SENP7: variants seen among roughly 807,000 people sequenced by gnomAD.
The protein encoded by SENP7 is sentrin-specific protease 7.
A neutral mutation model predicts 141.2 loss-of-function variants in SENP7; 64 were observed. The ratio of observed to expected loss-of-function variants is 0.45; its 90% CI spans 0.37 to 0.56. The LOEUF (loss-of-function observed/expected upper bound fraction) is 0.56, where lower values mean the gene tolerates loss of function less well. SENP7 is among the 20% of genes least tolerant of loss of function. SENP7 has a pLI of 0.00. For synonymous variants in SENP7, 382 were observed against 426.4 expected (o/e 0.90, Z 1.28); for missense variants, 1,025 against 1,212.2 (o/e 0.85, Z 2.29).
chr3:101,395,739 C>T (rs937103013), intron 6 of SENP7, among the ~76,000 whole-genome samples: 4 of 152,140 alleles, frequency 2.6e-5, no homozygotes, highest in African/African-American at 9.7e-5. Flanking sequence ...GCTAACAAAG[C>T]CATAACAATT....
chr3:101,416,875 A>G (rs56075912), intron 5 of SENP7, among the ~76,000 whole-genome samples: 103,559 of 152,028 alleles, frequency 0.68, 35,775 homozygotes, highest in African/African-American at 0.78. Context: ...GCTAATTGTA[A>G]GTTATTCTAA....
intron 6 of SENP7, among the ~76,000 whole-genome samples, chr3:101,380,438 C>A (rs959775534): frequency 1.0e-5 from 1 of 96,470 alleles, no homozygotes; most frequent in Admixed American, 1.3e-4. Context: ...AACCACCGCC[C>A]CCCCCCCCAC....
Position 101,448,889 on chromosome 3 carries a change from G to A in SENP7, c.284+10066C>T, listed in dbSNP as rs571613630. Among the ~76,000 whole-genome samples the A allele has an allele frequency of 3.3e-4, 50 of 152,158 alleles. No individual in the cohort carries two copies. In the South Asian group the frequency reaches 8.5e-3, roughly 26 times the overall value. On this transcript the variant is annotated intron_variant, in intron 4 of 23. Coordinates refer to ENST00000394095, the MANE Select transcript of SENP7 (RefSeq NM_020654.5). ...AAGCTGGACAGAGAATGACTTTGACGAGTTGAGAGAAGAAGGCTTCAGAAG... is the reference window on the plus strand; with the variant it reads ...AAGCTGGACAGAGAATGACTTTGACAAGTTGAGAGAAGAAGGCTTCAGAAG...
intron 1 of SENP7, among the ~76,000 whole-genome samples, chr3:101,508,689 T>C (rs1365004688): frequency 6.6e-6 from 1 of 152,216 alleles, no homozygotes; most frequent in Non-Finnish European, 1.5e-5. Flanking sequence ...TTTCATTCTA[T>C]ATACTGTCTT....
rs920266916 is a variant in SENP7, at chr3:101,367,975, T to A, written c.833A>T (p.Glu278Val). Reference sequence around the variant, plus strand: ...AACATCCTTGTTTCTGCTTTCCTGTTCGAGATGATCACAACCTCTACTTCC... The same window carrying A: ...AACATCCTTGTTTCTGCTTTCCTGTACGAGATGATCACAACCTCTACTTCC... Reference protein sequence around the residue: ...NSGSRGCDHLEQESRNKDVKY... With the variant: ...NSGSRGCDHLVQESRNKDVKY... Residue 278 changes from glutamate to valine, a missense_variant, in exon 8 of 24, where the codon GAA (glutamate) becomes GTA (valine). By Grantham distance (121) the Glu-to-Val change is moderately radical. Around this residue, in one of 4 missense-constraint regions of SENP7, gnomAD observed 496 missense variants for 503.5 expected, o/e 0.99. Coordinates refer to ENST00000394095, the MANE Select transcript of SENP7 (RefSeq NM_020654.5). The A allele has an allele frequency of 3.7e-6, 6 of 1,612,924 alleles. No homozygotes were observed. The highest frequency in any genetic ancestry group is 5.1e-6 in the Non-Finnish European group (6 of 1,179,512).
chr3:101,330,258 C>A, intron 20 of SENP7, 76 bp downstream of exon 20: 1 of 1,092,514 alleles, frequency 9.2e-7, no homozygotes, highest in Non-Finnish European at 1.4e-6. Flanking sequence ...GCCCACCTAG[C>A]TATGCTCTAT....
At chr3:101,499,187 A>G (rs1221267448) in intron 2 of SENP7, among the ~76,000 whole-genome samples, 1 of 152,224 alleles carries the variant, frequency 6.6e-6, no homozygotes, top group African/African-American at 2.4e-5. Context: ...TAAAAATCAG[A>G]GAAATGGATT....
At chr3:101,505,629 G>A (rs2065570269) in intron 1 of SENP7, among the ~76,000 whole-genome samples, 1 of 152,046 alleles carries the variant, frequency 6.6e-6, no homozygotes, top group Non-Finnish European at 1.5e-5. Flanking sequence ...CATATGATGT[G>A]CCTCGACTTG....
At chr3:101,409,629 C>T (rs2061398968) in intron 5 of SENP7, among the ~76,000 whole-genome samples, 1 of 152,046 alleles carries the variant, frequency 6.6e-6, no homozygotes, top group Non-Finnish European at 1.5e-5. Flanking sequence ...GAAATAAACC[C>T]AAATACTTAC....
intron 12 of SENP7, among the ~76,000 whole-genome samples, chr3:101,348,801 A>G (rs1273175838): frequency 6.8e-6 from 1 of 148,108 alleles, no homozygotes; most frequent in African/African-American, 2.6e-5. Context: ...AGAAACATTA[A>G]AAAAAAAAAA....
intron 19 of SENP7, 99 bp downstream of exon 19, chr3:101,331,886 T>C: frequency 1.7e-6 from 2 of 1,167,714 alleles, no homozygotes; most frequent in Non-Finnish European, 2.4e-6. Context: ...GGTTTAATGA[T>C]AGTAAATAAC....
At chr3:101,350,335 T>C (rs2059581549) in intron 12 of SENP7, among the ~76,000 whole-genome samples, 1 of 152,136 alleles carries the variant, frequency 6.6e-6, no homozygotes, top group Admixed American at 6.6e-5. Context: ...ATACCTAATA[T>C]AAATACGGAT....
At chr3:101,400,541 G>C (rs934097029) in intron 5 of SENP7, among the ~76,000 whole-genome samples, 1 of 149,818 alleles carries the variant, frequency 6.7e-6, no homozygotes, top group Non-Finnish European at 1.5e-5. Context: ...TCTGTAATCA[G>C]TGATATTTGA....
chr3:101,364,805 T>A (rs1440351957), intron 10 of SENP7, 29 bp downstream of exon 10: 17 of 1,451,484 alleles, frequency 1.2e-5, no homozygotes, highest in Admixed American at 4.0e-5. Flanking sequence ...ATTTCATTGT[T>A]AATCTATGAG....
At chr3:101,442,939 T>C (rs1383792178) in intron 4 of SENP7, among the ~76,000 whole-genome samples, 1 of 152,144 alleles carries the variant, frequency 6.6e-6, no homozygotes, top group East Asian at 1.9e-4. Flanking sequence ...GGAGAAGAGA[T>C]GGGCAAAGCG....
Position 101,367,856 on chromosome 3 carries a change from A to G in SENP7, c.952T>C (p.Ser318Pro), listed in dbSNP as rs1432806233. The change falls in exon 8 of 24, where the codon TCT (serine) becomes CCT (proline). Residue 318 changes from serine (S) to proline (P), a missense_variant. Physicochemically the swap from Ser to Pro is moderately conservative, Grantham distance 74. Around this residue, in one of 4 missense-constraint regions of SENP7, gnomAD observed 496 missense variants for 503.5 expected, o/e 0.99. Coordinates refer to ENST00000394095, the MANE Select transcript of SENP7 (RefSeq NM_020654.5). ...NNLPDSQYCT[S>P]LDKSTEQTKK... The stretch of plus-strand genomic sequence containing the variant: ...GTCTGTTCTGTTGACTTATCCAAAG[A>G]AGTACAATATTGAGAATCAGGTAAA... The G allele has an allele frequency of 1.2e-6, 2 of 1,604,496 alleles. No homozygotes were observed. Among genetic ancestry groups the G allele is most frequent in the Non-Finnish European group, 1.7e-6 (2 of 1,172,336 alleles).
At chr3:101,359,444 A>G (rs1026026439) in intron 11 of SENP7, among the ~76,000 whole-genome samples, 1 of 150,940 alleles carries the variant, frequency 6.6e-6, no homozygotes, top group East Asian at 1.9e-4. Context: ...AAACAGGGAT[A>G]GTTTGACTTC....
At chr3:101,473,227 T>C (rs1397732100) in intron 3 of SENP7, among the ~76,000 whole-genome samples, 3 of 152,236 alleles carry the variant, frequency 2.0e-5, no homozygotes, top group African/African-American at 7.2e-5. Context: ...TAGAACAATG[T>C]ATATTCCTTT....
chr3:101,463,598 GA>G (rs1361694370), intron 3 of SENP7, among the ~76,000 whole-genome samples: 1 of 151,160 alleles, frequency 6.6e-6, no homozygotes, highest in African/African-American at 2.4e-5. Flanking sequence ...TGACATTGGT[GA>G]ACTCAAAGTA....
Sources: allele counts gnomAD v4.1 joint callset (sites outside exome capture counted in the v4.1 genomes callset), GRCh38; gene constraint gnomAD v4.1.1; regional missense constraint gnomAD v4.1.1; transcripts MANE v1.5; gene names NCBI Gene and HGNC (gene_info 2026-07-23, HGNC 2026-07-21).